The following TUB variants were observed in gnomAD, a reference collection of about 807,000 sequenced individuals.
TUB encodes the protein tubby protein homolog.
In TUB, 33 loss-of-function variants were observed where a neutral mutation model predicts 59.7. The observed-to-expected ratio is 0.55, with a 90% CI of 0.42 to 0.74. TUB has a LOEUF of 0.74. TUB is among the 30% of genes least tolerant of loss of function. TUB has a pLI of 0.00. For synonymous variants in TUB, 293 were observed against 256.4 expected, an observed-to-expected ratio of 1.14 and a Z score of -1.36; for missense variants, 659 against 672.0, an observed-to-expected ratio of 0.98 and a Z score of 0.21.
chr11:8,067,132 T>C (rs2133788504), intron 2 of TUB, among the ~76,000 whole-genome samples: 1 of 152,318 alleles, frequency 6.6e-6, no homozygotes, highest in East Asian at 1.9e-4. Flanking sequence ...ACTCCGTAAG[T>C]CTGACGCCAA....
intron 9 of TUB, among the ~76,000 whole-genome samples, chr11:8,099,751 A>G (rs764675699): frequency 1.5e-4 from 23 of 152,334 alleles, no homozygotes; most frequent in Non-Finnish European, 2.8e-4. Flanking sequence ...AGAATTTCAG[A>G]ATGGCAGGGA....
intron 1 of TUB, among the ~76,000 whole-genome samples, chr11:8,082,114 C>G (rs1943580613): frequency 6.6e-6 from 1 of 152,206 alleles, no homozygotes; most frequent in African/African-American, 2.4e-5. Context: ...GCACGTCCAC[C>G]TCCTGTATCT....
Position 8,025,486 on chromosome 11 carries a change from C to T in TUB, c.56+6128C>T, listed in dbSNP as rs201071582. 5.9e-5 allele frequency among the ~76,000 whole-genome samples: 9 copies of T among 152,278 alleles called. No individual in the cohort carries two copies. The East Asian group carries it at 1.7e-3, about 29-fold the overall frequency. On this transcript the variant is annotated intron_variant, in intron 1 of 11. Transcript: ENST00000534099. ...CTCTTTGTAAAACTTCCTTATTGCT[C>T]TTCTCCCAACTCCCCGCACCCACTC...
In TUB at chr11:8,101,851, T is replaced by TAATGATA; in HGVS notation, c.*232_*233insAATGATA. On this transcript the variant is annotated 3_prime_UTR_variant, in exon 12 of 12. Transcript: ENST00000299506. ...GTGTGAAGGGATGAGAATAATTCTT[T>TAATGATA]CCATGCCACGAGATCAACACACACT... 3 of 491,688 alleles carry TAATGATA rather than the reference T, an allele frequency of 6.1e-6. No individual in the cohort carries two copies. Among genetic ancestry groups the TAATGATA allele is most frequent in the South Asian group, 3.8e-5 (1 of 26,634 alleles). 30.5% of individuals were successfully genotyped at this position (491,688 alleles called of 1,614,324 possible).
intron 2 of TUB, among the ~76,000 whole-genome samples, chr11:8,046,964 A>C (rs1449776682): frequency 6.6e-6 from 1 of 152,170 alleles, no homozygotes; most frequent in Non-Finnish European, 1.5e-5. Flanking sequence ...AAAGTTTACA[A>C]ATTTATGTTG....
rs759939935 is a variant in TUB at position 8,081,468 on chromosome 11, C to T, written c.-43C>T. On this transcript the variant is annotated 5_prime_UTR_variant, in exon 1 of 12. Transcript: ENST00000299506. ...GGCCCCCGCGCCGGCCCCTCCGGGC[C>T]CCGGCCTCCAGAGCCGCAGCCACCG... 33 of 1,446,182 alleles carry T rather than the reference C, an allele frequency of 2.3e-5. No homozygotes were observed. The highest frequency in any genetic ancestry group is 2.2e-4 in the Admixed American group (8 of 36,524). The allele number at this position is 1,446,182 out of a possible 1,614,324, so 89.6% of individuals were successfully genotyped here. A position where few individuals can be genotyped will look rare whatever the true frequency, so the allele number is the denominator to read the frequency against.
chr11:8,096,010 C>T (rs1009087260), intron 5 of TUB, among the ~76,000 whole-genome samples: 4 of 152,220 alleles, frequency 2.6e-5, no homozygotes, highest in Non-Finnish European at 4.4e-5. Context: ...GTTTTCCCAC[C>T]ACAAGCCCTG....
At chr11:8,045,926 C>T (rs1047510639) in intron 2 of TUB, among the ~76,000 whole-genome samples, 1 of 152,128 alleles carries the variant, frequency 6.6e-6, no homozygotes, top group African/African-American at 2.4e-5. Context: ...TATTTCCACC[C>T]TTCTGTGAAT....
intron 9 of TUB, among the ~76,000 whole-genome samples, chr11:8,099,713 G>A (rs1292131554): frequency 6.6e-6 from 1 of 152,222 alleles, no homozygotes; most frequent in Non-Finnish European, 1.5e-5. Flanking sequence ...GTAGGGGAGG[G>A]GAGATAAGAA....
Position 8,100,867 on chromosome 11 carries a change from G to T in TUB, c.1257G>T (p.Thr419=). 14 of 1,614,140 alleles carry T rather than the reference G, an allele frequency of 8.7e-6. No individual in the cohort carries two copies. The highest frequency in any genetic ancestry group is 1.1e-5 in the Non-Finnish European group (13 of 1,180,022). ...TAGCACGCTGGCAGAATAAGAACAC[G>T]GAGAGTATCATCGAGCTGCAAAACA... ...TLLARWQNKN[T]ESIIELQNKT... The change falls in exon 11 of 12, where the codon ACG becomes ACT. Residue 419 remains threonine, a synonymous_variant. Coordinates refer to ENST00000299506, the MANE Select transcript of TUB (RefSeq NM_177972.3).
rs746538567 is a variant in TUB at position 8,100,477 on chromosome 11, G to A, written c.1117-26G>A. The A allele has an allele frequency of 1.2e-5, 19 of 1,592,162 alleles. No homozygotes were observed. In the Admixed American group the frequency reaches 1.5e-4, roughly 13 times the overall value. On this transcript the variant is annotated intron_variant, in intron 9 of 11. Transcript: ENST00000299506. ...CAGTAGGTAAATAGACGCCTCAGGT[G>A]GCCAGTGTTGCGTTCTCTTTCCCAG...
At chr11:8,032,000 G>A (rs548370166) in intron 1 of TUB, among the ~76,000 whole-genome samples, 3 of 152,338 alleles carry the variant, frequency 2.0e-5, no homozygotes, top group South Asian at 2.1e-4. Flanking sequence ...TTTCCTGCTC[G>A]GGAAGGGGCT....
At chr11:8,073,150 G>C (rs1371710183) in intron 2 of TUB, among the ~76,000 whole-genome samples, 1 of 152,164 alleles carries the variant, frequency 6.6e-6, no homozygotes, top group Non-Finnish European at 1.5e-5. Flanking sequence ...CCCCACTTCA[G>C]AGTCTGGAAA....
At chr11:8,079,314 C>T (rs1943501885), upstream of TUB, among the ~76,000 whole-genome samples, 1 of 152,108 alleles carries the variant, frequency 6.6e-6, no homozygotes, top group South Asian at 2.1e-4. Flanking sequence ...GATCTCTAGG[C>T]AAGGTTCTGC....
intron 3 of TUB, among the ~76,000 whole-genome samples, chr11:8,091,767 G>A (rs1943784539): frequency 6.6e-6 from 1 of 152,178 alleles, no homozygotes; most frequent in South Asian, 2.1e-4. Context: ...GCTCCTCACA[G>A]AGCTGGCCCC....
rs1490415996 is a variant in TUB, at chr11:8,100,809, T to C, written c.1216-17T>C. On this transcript the variant is annotated splice_polypyrimidine_tract_variant and intron_variant, in intron 10 of 11. Coordinates refer to ENST00000299506, the MANE Select transcript of TUB (RefSeq NM_177972.3). Reference sequence around the variant, plus strand: ...GCCAAAGGCCTGGGCCTGGCTCAGGTGAGGCTGCCCTCCCAGGAGCATGAG... The same window carrying C: ...GCCAAAGGCCTGGGCCTGGCTCAGGCGAGGCTGCCCTCCCAGGAGCATGAG... 4 of 1,612,748 alleles carry C rather than the reference T, an allele frequency of 2.5e-6. No individual in the cohort carries two copies. Among genetic ancestry groups the C allele is most frequent in the Non-Finnish European group, 3.4e-6 (4 of 1,179,372 alleles).
chr11:8,076,509 C>T (rs1285950801), upstream of TUB: 3 of 152,212 alleles, frequency 2.0e-5, no homozygotes, highest in African/African-American at 4.8e-5. Flanking sequence ...TTTTCGCCAC[C>T]TCTTTTCCAA....
At chr11:8,081,882 A>G (rs1943573041) in intron 1 of TUB, among the ~76,000 whole-genome samples, 1 of 152,204 alleles carries the variant, frequency 6.6e-6, no homozygotes, top group African/African-American at 2.4e-5. Flanking sequence ...ACGCCTGTGC[A>G]GGGTGCGCGC....
At chr11:8,035,128 G>A (rs1942628421), upstream of TUB, among the ~76,000 whole-genome samples, 2 of 152,196 alleles carry the variant, frequency 1.3e-5, no homozygotes, top group Admixed American at 6.5e-5. Flanking sequence ...AAAGGACCTC[G>A]AACAAGCTCA....
Sources: allele counts gnomAD v4.1 joint callset (sites outside exome capture counted in the v4.1 genomes callset), GRCh38; gene constraint gnomAD v4.1.1; transcripts MANE v1.5; gene names NCBI Gene and HGNC (gene_info 2026-07-23, HGNC 2026-07-21).